PRKCH: variants seen among roughly 807,000 people sequenced by gnomAD.
The protein encoded by PRKCH is protein kinase C eta, also known as protein kinase C eta type.
Under a neutral mutation model 82.5 loss-of-function variants are expected in PRKCH, and 28 were observed. That is an observed-to-expected ratio of 0.34 (90% CI 0.25 to 0.47). PRKCH has a LOEUF of 0.47. Ranked by LOEUF, PRKCH falls within the 20% of genes least tolerant of loss-of-function variation. The pLI is 1.00. For synonymous variants in PRKCH, 322 were observed against 327.4 expected (o/e 0.98, Z 0.18); for missense variants, 705 against 881.8 (o/e 0.80, Z 2.54).
chr14:61,388,147 C>CAAAA (rs569642184), intron 1 of PRKCH, among the ~76,000 whole-genome samples: 66 of 87,092 alleles, frequency 7.6e-4, no homozygotes, highest in Non-Finnish European at 1.2e-3. Flanking sequence ...GACTCTGTCT[C>CAAAA]AAAAAAAAAA....
chr14:61,383,445 A>G (rs1429687925), intron 1 of PRKCH, among the ~76,000 whole-genome samples: 1 of 152,116 alleles, frequency 6.6e-6, no homozygotes, highest in Non-Finnish European at 1.5e-5. Context: ...TATGTGTATG[A>G]AAATGTAAGT....
At chr14:61,448,362 C>G (rs1420560626) in intron 4 of PRKCH, among the ~76,000 whole-genome samples, 4 of 152,198 alleles carry the variant, frequency 2.6e-5, no homozygotes, top group African/African-American at 9.7e-5. Flanking sequence ...TATCACTTAT[C>G]TAGATGAGAA....
intron 1 of PRKCH, among the ~76,000 whole-genome samples, chr14:61,233,500 C>T (rs1434554916): frequency 2.0e-5 from 3 of 152,194 alleles, no homozygotes; most frequent in African/African-American, 7.2e-5. Flanking sequence ...AATGTCATCT[C>T]TTTCTCTGAG....
chr14:61,391,205 AT>A lies in PRKCH; in HGVS notation c.364-11del, dbSNP rs746754143. 88 of 1,569,230 alleles carry A rather than the reference AT, an allele frequency of 5.6e-5. No individual in the cohort carries two copies. Among genetic ancestry groups the A allele is most frequent in the Admixed American group, 1.7e-4 (10 of 58,114 alleles). ...ATTTTAAAACTAACATATAATATACATTTTTTTTTCTCTTTGTAGGTGGATC... is the reference window on the plus strand; with the variant it reads ...ATTTTAAAACTAACATATAATATACATTTTTTTTCTCTTTGTAGGTGGATC... On this transcript the variant is annotated intron_variant, in intron 1 of 13. Transcript: ENST00000332981.
At chr14:61,228,219 G>GA (rs768080516) in intron 1 of PRKCH, among the ~76,000 whole-genome samples, 2 of 152,216 alleles carry the variant, frequency 1.3e-5, no homozygotes, top group Non-Finnish European at 2.9e-5. Flanking sequence ...GAGGAGAGAA[G>GA]AAATGCTTGA....
chr14:61,265,203 G>A (rs1325316132), intron 1 of PRKCH, among the ~76,000 whole-genome samples: 3 of 152,260 alleles, frequency 2.0e-5, no homozygotes, highest in South Asian at 2.1e-4. Context: ...CATCCCAGGC[G>A]GGTGCGGTGG....
chr14:61,232,777 C>T (rs2044754587), intron 1 of PRKCH, among the ~76,000 whole-genome samples: 1 of 152,180 alleles, frequency 6.6e-6, no homozygotes, highest in Non-Finnish European at 1.5e-5. Context: ...TTTAAGCCCT[C>T]TCCCTTCCCT....
chr14:61,411,556 A>G (rs1882271256), intron 2 of PRKCH, among the ~76,000 whole-genome samples: 1 of 152,244 alleles, frequency 6.6e-6, no homozygotes, highest in South Asian at 2.1e-4. Context: ...ACAAAGGCCA[A>G]TGATTCCTGA....
intron 2 of PRKCH, 117 bp from the exon 3 acceptor site, chr14:61,442,994 T>C: frequency 1.9e-6 from 2 of 1,053,612 alleles, no homozygotes; most frequent in Non-Finnish European, 2.7e-6. Context: ...GGTTTAGATC[T>C]TGAAGAAAGA....
At chr14:61,349,770 A>T (rs545333394) in intron 1 of PRKCH, among the ~76,000 whole-genome samples, 2 of 152,276 alleles carry the variant, frequency 1.3e-5, no homozygotes, top group Non-Finnish European at 2.9e-5. Flanking sequence ...CTGAGGCAGG[A>T]TAATTGCTTG....
chr14:61,508,701 T>C (rs1320297956), intron 10 of PRKCH, among the ~76,000 whole-genome samples: 1 of 152,100 alleles, frequency 6.6e-6, no homozygotes, highest in Non-Finnish European at 1.5e-5. Flanking sequence ...TGGTCTCAGA[T>C]AAGAGGAGTG....
intron 2 of PRKCH, among the ~76,000 whole-genome samples, chr14:61,408,077 T>C (rs1294093572): frequency 1.3e-5 from 2 of 152,170 alleles, no homozygotes; most frequent in African/African-American, 2.4e-5. Flanking sequence ...GCAGTGGCCT[T>C]GGGGGAGACT....
At chr14:61,276,165 C>T (rs764129523) in intron 1 of PRKCH, among the ~76,000 whole-genome samples, 7 of 151,898 alleles carry the variant, frequency 4.6e-5, no homozygotes, top group Admixed American at 1.3e-4. Context: ...ACCTTCTTAA[C>T]GACTCTTTTG....
chr14:61,321,263 C>T (rs566593182), upstream of PRKCH, among the ~76,000 whole-genome samples: 17 of 152,322 alleles, frequency 1.1e-4, no homozygotes, highest in African/African-American at 3.8e-4. This position sits in a 1 kb window ranked among gnomAD's most constrained non-coding sequence, Gnocchi z 4.1. Context: ...GACTCCTCGC[C>T]GCGCGGGTTC....
At chr14:61,343,351 CAA>C (rs57154047) in intron 1 of PRKCH, among the ~76,000 whole-genome samples, 45,463 of 87,750 alleles carry the variant, frequency 0.52, 10,881 homozygotes, top group Non-Finnish European at 0.63. Context: ...CCAGTTCCCT[CAA>C]AAAAAAAAAA....
intron 1 of PRKCH, among the ~76,000 whole-genome samples, chr14:61,380,283 C>T (rs892807394): frequency 6.7e-6 from 1 of 149,640 alleles, no homozygotes; most frequent in African/African-American, 2.4e-5. Flanking sequence ...TCTTGAACTC[C>T]TGGACTCAAG....
intron 1 of PRKCH, among the ~76,000 whole-genome samples, chr14:61,254,015 C>T (rs1198587356): frequency 7.2e-6 from 1 of 139,588 alleles, no homozygotes; most frequent in Admixed American, 7.3e-5. Context: ...CCCTCCCTTC[C>T]TTCCTTCCTT....
chr14:61,490,435 G>C (rs996199562), intron 10 of PRKCH, among the ~76,000 whole-genome samples: 2 of 152,188 alleles, frequency 1.3e-5, no homozygotes, highest in Non-Finnish European at 2.9e-5. Context: ...ATAGTTGGGG[G>C]ATCTGTGTGA....
chr14:61,374,888 A>C lies in PRKCH; in HGVS notation c.364-16337A>C, dbSNP rs528965679. Among the ~76,000 whole-genome samples the C allele has an allele frequency of 1.5e-3, 232 of 152,216 alleles. 4 individuals are homozygous for C. The highest frequency in any genetic ancestry group is 5.1e-3 in the African/African-American group (213 of 41,464). On this transcript the variant is annotated intron_variant, in intron 1 of 13. Coordinates refer to ENST00000332981, the MANE Select transcript of PRKCH (RefSeq NM_006255.5). ...CCTTGTTGCTGATGCAAATTCCTGC[A>C]GCTGGCTTGAATTTCTCCCCAGAAA...
Sources: gnomAD v4.1 joint callset for allele counts (sites outside exome capture counted in the v4.1 genomes callset) on GRCh38, gnomAD v4.1.1 for gene constraint, Gnocchi (gnomAD v3.1) non-coding constraint, MANE v1.5 for transcripts, NCBI Gene and HGNC (gene_info 2026-07-23, HGNC 2026-07-21) for gene names.